The following ROBO1 variants were observed in gnomAD, a reference collection of about 807,000 sequenced individuals.
ROBO1 encodes the protein roundabout homolog 1.
Under a neutral mutation model 195.9 loss-of-function variants are expected in ROBO1, and 149 were observed. The observed-to-expected ratio is 0.76, with a 90% confidence interval of 0.67 to 0.87. ROBO1 has a LOEUF of 0.87. Among genes scored for constraint, ROBO1 ranks in the 40% least tolerant of loss-of-function variants. The probability of loss-of-function intolerance (pLI) is 0.00; values close to 1 mark genes in which losing one functional copy is unlikely to be tolerated. For synonymous variants in ROBO1, 816 were observed against 733.2 expected, an observed-to-expected ratio of 1.11 and a Z score of -1.82; for missense variants, 1,933 against 2,068.3, an observed-to-expected ratio of 0.93 and a Z score of 1.27.
At chr3:78,689,232 C>T (rs1052966328) in intron 8 of ROBO1, among the ~76,000 whole-genome samples, 3 of 152,152 alleles carry the variant, frequency 2.0e-5, no homozygotes, top group African/African-American at 4.8e-5. Context: ...TTAAAATCTT[C>T]AGTCCAATTA....
At position 78,677,407 on chromosome 3, in the gene ROBO1, G is replaced by T. The variant is rs999898162; in HGVS notation, c.1343-7106C>A. On this transcript the variant is annotated intron_variant, in intron 10 of 30. Coordinates refer to ENST00000464233, the MANE Select transcript of ROBO1 (RefSeq NM_002941.4). ...TTGGATAAAGAGTCAACACCCATCA[G>T]TGTGCTGTATTCAGGAAACCCATCT... is the stretch of plus-strand genomic sequence containing the variant. Among the ~76,000 whole-genome samples, 10 of 152,226 alleles carry T rather than the reference G, an allele frequency of 6.6e-5. No homozygotes were observed. The East Asian group carries it at 9.7e-4, about 15-fold the overall frequency.
chr3:79,098,644 T>G (rs184365867), intron 3 of ROBO1, among the ~76,000 whole-genome samples: 45 of 151,992 alleles, frequency 3.0e-4, no homozygotes, highest in East Asian at 2.3e-3. Context: ...GATGAAATAT[T>G]TTATGTAGTC....
intron 3 of ROBO1, among the ~76,000 whole-genome samples, chr3:79,010,610 C>G (rs1576559576): frequency 6.6e-6 from 1 of 152,072 alleles, no homozygotes; most frequent in South Asian, 2.1e-4. Context: ...GTTTTTTCAT[C>G]ATGTAAACAC....
At position 79,207,727 on chromosome 3, in the gene ROBO1, C is replaced by A. The variant is rs1370614727; in HGVS notation, c.89-82188G>T. 2.6e-5 allele frequency among the ~76,000 whole-genome samples: 4 copies of A among 151,628 alleles called. No homozygotes were observed. In the East Asian group the frequency reaches 5.8e-4, roughly 22 times the overall value. On this transcript the variant is annotated intron_variant, in intron 2 of 30. Transcript: ENST00000464233. ...TCCCTGTGAAATCCTTCCAAAGAAT[C>A]CCCCTAATTTCTTTTACATGGAGAG... is the stretch of plus-strand genomic sequence containing the variant.
At chr3:79,201,637 T>C (rs1472224155) in intron 2 of ROBO1, among the ~76,000 whole-genome samples, 1 of 151,946 alleles carries the variant, frequency 6.6e-6, no homozygotes, top group African/African-American at 2.4e-5. Context: ...AAGTCTTAAA[T>C]GTCAGATCTT....
chr3:79,339,153 T>C (rs916624004), intron 2 of ROBO1, among the ~76,000 whole-genome samples: 2 of 152,222 alleles, frequency 1.3e-5, no homozygotes, highest in African/African-American at 4.8e-5. Context: ...CATCTCACCA[T>C]TGGTTCATTG....
intron 3 of ROBO1, among the ~76,000 whole-genome samples, chr3:79,117,456 C>G (rs2080027380): frequency 6.6e-6 from 1 of 152,134 alleles, no homozygotes; most frequent in Non-Finnish European, 1.5e-5. Context: ...GTTGCAGTCA[C>G]AGAATCCTGT....
intron 2 of ROBO1, among the ~76,000 whole-genome samples, chr3:79,392,909 GGT>G (rs2037009046): frequency 6.6e-6 from 1 of 152,178 alleles, no homozygotes; most frequent in African/African-American, 2.4e-5. Context: ...AGTTGCCCAA[GGT>G]CACAAATTAT....
intron 3 of ROBO1, among the ~76,000 whole-genome samples, chr3:78,948,768 T>A (rs1176766678): frequency 1.3e-5 from 2 of 152,172 alleles, no homozygotes; most frequent in Non-Finnish European, 2.9e-5. Flanking sequence ...GAAAACCCCA[T>A]CGTCTCAGCC....
intron 3 of ROBO1, among the ~76,000 whole-genome samples, chr3:78,961,792 A>AT (rs1014642101): frequency 4.6e-5 from 7 of 151,782 alleles, no homozygotes; most frequent in African/African-American, 7.2e-5. Flanking sequence ...TAGACCCATA[A>AT]TTTTTTTTTA....
intron 4 of ROBO1, among the ~76,000 whole-genome samples, chr3:78,787,210 A>G (rs1262995764): frequency 6.6e-6 from 1 of 152,234 alleles, no homozygotes; most frequent in Non-Finnish European, 1.5e-5. Context: ...ATTATTAAAC[A>G]TACTGTTTTG....
intron 3 of ROBO1, among the ~76,000 whole-genome samples, chr3:79,076,872 G>A (rs2079182915): frequency 6.6e-6 from 1 of 151,802 alleles, no homozygotes; most frequent in Non-Finnish European, 1.5e-5. Flanking sequence ...GTGTTTGTTA[G>A]AATAGACAAT....
chr3:78,964,946 G>A (rs886871305), intron 3 of ROBO1, among the ~76,000 whole-genome samples: 2 of 151,648 alleles, frequency 1.3e-5, no homozygotes, highest in Admixed American at 6.6e-5. Flanking sequence ...GGGATTACAG[G>A]CATGAGCCAC....
chr3:79,530,365 A>AT (rs531826400), intron 2 of ROBO1, among the ~76,000 whole-genome samples: 1 of 151,884 alleles, frequency 6.6e-6, no homozygotes, highest in East Asian at 1.9e-4. Flanking sequence ...TTCGAGAGAG[A>AT]TTTTTTTTCC....
In ROBO1 at chr3:78,659,918, CT is replaced by C. The variant is rs76880412; in HGVS notation, c.2321-112del. 800 of 405,302 alleles carry C rather than the reference CT, an allele frequency of 2.0e-3. 1 individual carries two copies. Among genetic ancestry groups the C allele is most frequent in the East Asian group, 3.3e-3 (67 of 20,206 alleles). 25.1% of individuals were successfully genotyped at this position (405,302 alleles called of 1,614,324 possible). A position where few individuals can be genotyped will look rare whatever the true frequency, so the allele number is the denominator to read the frequency against. ...TGTATTAATACTATATCAATATATG[CT>C]TTTTTTTTTTTTTTTTTTTGAGACG... On this transcript the variant is annotated intron_variant, in intron 16 of 30. Coordinates refer to ENST00000464233, the MANE Select transcript of ROBO1 (RefSeq NM_002941.4).
At chr3:79,575,250 A>AAT (rs370575812) in intron 2 of ROBO1, among the ~76,000 whole-genome samples, 3 of 123,938 alleles carry the variant, frequency 2.4e-5, no homozygotes, top group Non-Finnish European at 3.2e-5. Context: ...ATATATAACA[A>AAT]ATATATATAA....
chr3:79,069,431 A>G (rs888367930), intron 3 of ROBO1, among the ~76,000 whole-genome samples: 2 of 151,866 alleles, frequency 1.3e-5, no homozygotes, highest in African/African-American at 4.8e-5. Flanking sequence ...CTCTGCCCAT[A>G]ACACCTATTG....
chr3:79,202,092 GC>G (rs2081776389), intron 2 of ROBO1, among the ~76,000 whole-genome samples: 1 of 151,870 alleles, frequency 6.6e-6, no homozygotes, highest in African/African-American at 2.4e-5. Context: ...CTGGGCGGCA[GC>G]CCTCCTAAAT....
intron 1 of ROBO1, among the ~76,000 whole-genome samples, chr3:79,735,743 T>C (rs1254831032): frequency 6.6e-6 from 1 of 151,982 alleles, no homozygotes; most frequent in Non-Finnish European, 1.5e-5. Flanking sequence ...TGGTGGCAGA[T>C]GCCTGTAGTC....
Sources: allele counts gnomAD v4.1 joint callset (sites outside exome capture counted in the v4.1 genomes callset), GRCh38; gene constraint gnomAD v4.1.1; transcripts MANE v1.5; gene names NCBI Gene and HGNC (gene_info 2026-07-23, HGNC 2026-07-21).